L3MBTL1: variants seen among roughly 807,000 people sequenced by gnomAD.
L3MBTL1 encodes lethal(3)malignant brain tumor-like protein 1.
Under a neutral mutation model 105.3 loss-of-function variants are expected in L3MBTL1, and 75 were observed. The observed-to-expected ratio is 0.71, with a 90% CI of 0.59 to 0.86. The LOEUF is 0.86. L3MBTL1 is among the 40% of genes least tolerant of loss of function. L3MBTL1 has a pLI of 0.00. For missense variants in L3MBTL1, 1,069 were observed against 1,126.4 expected (o/e 0.95, Z 0.73); for synonymous variants, 452 against 436.2 (o/e 1.04, Z -0.45).
At chr20:43,535,797 C>T (rs1268793687) in intron 16 of L3MBTL1, 40 bp from the exon 17 acceptor site, 7 of 1,377,866 alleles carry the variant, frequency 5.1e-6, no homozygotes, top group Non-Finnish European at 7.0e-6. Context: ...CTCCCCACCC[C>T]CAGGACTCCA....
intron 7 of L3MBTL1, among the ~76,000 whole-genome samples, chr20:43,525,377 T>C (rs756072617): frequency 6.7e-6 from 1 of 150,204 alleles, no homozygotes; most frequent in Non-Finnish European, 1.5e-5. Context: ...CTAGCCAATA[T>C]GGTACCTTTG....
At chr20:43,540,054 C>G (rs1353238228) in intron 19 of L3MBTL1, 97 bp from the exon 20 acceptor site, 1 of 1,461,100 alleles carries the variant, frequency 6.8e-7, no homozygotes, top group Non-Finnish European at 9.4e-7. Context: ...CCTGTCTACT[C>G]TGCCAGCCAG....
In L3MBTL1 at chr20:43,530,871, G is replaced by A. The variant is rs1338652168; in HGVS notation, c.1266G>A (p.Leu422=). The part of the protein sequence containing the change: ...STRAQAAPKH[L]FVSQSHSPPP... ...GAGCTCAGGCTGCCCCCAAGCACCT[G>A]TTTGTGAGCCAGAGCCACGTGAGTG... Residue 422 remains leucine (L), a synonymous_variant, in exon 11 of 22, where the codon CTG becomes CTA. Transcript: ENST00000418998. The A allele has an allele frequency of 2.5e-6, 4 of 1,613,834 alleles. No homozygotes were observed. The highest frequency in any genetic ancestry group is 3.4e-6 in the Non-Finnish European group (4 of 1,179,910).
At chr20:43,542,031 T>G (rs1487292393), downstream of L3MBTL1, 1 of 280,450 alleles carries the variant, frequency 3.6e-6, no homozygotes, top group East Asian at 1.7e-4. Context: ...GCCAACATGG[T>G]GAAACCCTGT....
chr20:43,528,173 G>A (rs1195588192), intron 7 of L3MBTL1, among the ~76,000 whole-genome samples: 3 of 152,142 alleles, frequency 2.0e-5, no homozygotes, highest in South Asian at 2.1e-4. Flanking sequence ...GATTACAGGC[G>A]TGAGCTACCA....
In L3MBTL1 at chr20:43,513,818, A is replaced by G. The variant is rs764885517; in HGVS notation, c.137-20A>G. On this transcript the variant is annotated intron_variant, in intron 2 of 21. Coordinates refer to ENST00000418998, the MANE Select transcript of L3MBTL1 (RefSeq NM_001377303.1). ...CACTAGACTCACCTGTGTCGTGTCT[A>G]TTTGTATATCTGTTTACAGCCAGTT... 3.4e-5 allele frequency: 52 copies of G among 1,549,624 alleles called. No individual in the cohort carries two copies. The East Asian group carries it at 9.5e-4, about 28-fold the overall frequency.
Position 43,536,174 on chromosome 20 carries a change from G to T in L3MBTL1, c.2003G>T (p.Cys668Phe). Reference protein sequence around the residue: ...KFTAHHCLSGCPLAERNQSRL... With the variant: ...KFTAHHCLSGFPLAERNQSRL... ...ACAGCTCACCATTGCCTCTCAGGCT[G>T]CCCACTGGCTGAGAGGAACCAGAGC... Residue 668 changes from cysteine (C) to phenylalanine (F), a missense_variant, in exon 18 of 22, where the codon TGC (cysteine) becomes TTC (phenylalanine). Coordinates refer to ENST00000418998, the MANE Select transcript of L3MBTL1 (RefSeq NM_001377303.1). 1 of 1,613,670 alleles carries T rather than the reference G, an allele frequency of 6.2e-7. No homozygotes were observed. Among genetic ancestry groups the T allele is most frequent in the Non-Finnish European group, 8.5e-7 (1 of 1,179,998 alleles).
intron 7 of L3MBTL1, among the ~76,000 whole-genome samples, chr20:43,522,873 C>T (rs1028336417): frequency 1.4e-5 from 2 of 146,546 alleles, no homozygotes; most frequent in Admixed American, 7.0e-5. Context: ...TAGGCCAAGG[C>T]AGGTGGATCA....
rs1356180893 is a variant in L3MBTL1, at chr20:43,515,366, G to T, written c.728G>T (p.Arg243Leu). The change falls in exon 6 of 22, where the codon CGC (arginine) becomes CTC (leucine). Residue 243 changes from arginine to leucine, a missense_variant. Coordinates refer to ENST00000418998, the MANE Select transcript of L3MBTL1 (RefSeq NM_001377303.1). ...ELLKPMKKRK[R>L]REYQSPSEEE... ...CTCAAACCCATGAAGAAGAGGAAGC[G>T]CAGGGAATACCAGAGCCCATCAGAG... 3.8e-6 allele frequency: 6 copies of T among 1,564,338 alleles called. No individual in the cohort carries two copies. The highest frequency in any genetic ancestry group is 1.7e-4 in the Middle Eastern group (1 of 6,006).
chr20:43,515,478 C>T, intron 6 of L3MBTL1, 63 bp downstream of exon 6: 1 of 1,516,672 alleles, frequency 6.6e-7, no homozygotes, highest in Non-Finnish European at 8.9e-7. Flanking sequence ...TTCCCACTGT[C>T]CCCTCCATCA....
rs752346077 is a variant in L3MBTL1 at position 43,536,124 on chromosome 20, C to T, written c.1953C>T (p.Gly651=). Residue 651 remains glycine (G), a synonymous_variant, in exon 18 of 22, where the codon GGC becomes GGT. Coordinates refer to ENST00000418998, the MANE Select transcript of L3MBTL1 (RefSeq NM_001377303.1). ...AGTGCCCCACTCCTGGTTGCGACGG[C>T]TCTGGCCATGTCACAGGCAAGTTCA... ...HRKCPTPGCD[G]SGHVTGKFTA... is the part of the protein sequence containing the mutation. 1.2e-6 allele frequency: 2 copies of T among 1,613,604 alleles called. No homozygotes were observed. The highest frequency in any genetic ancestry group is 1.7e-6 in the Non-Finnish European group (2 of 1,180,026).
Position 43,530,908 on chromosome 20 carries a change from G to A in L3MBTL1, c.1284+19G>A, listed in dbSNP as rs775174573. 9 of 1,595,002 alleles carry A rather than the reference G, an allele frequency of 5.6e-6. No individual in the cohort carries two copies. In the Admixed American group the frequency reaches 6.8e-5, roughly 12 times the overall value. On this transcript the variant is annotated intron_variant, in intron 11 of 21. Transcript: ENST00000418998. ...GAGCCACGTGAGTGCCCCTGAGTGAGAGTGGATGTCACTCCCATGTGCCAG... is the reference window on the plus strand; with the variant it reads ...GAGCCACGTGAGTGCCCCTGAGTGAAAGTGGATGTCACTCCCATGTGCCAG...
chr20:43,543,446 A>C (rs1389880690), downstream of L3MBTL1, among the ~76,000 whole-genome samples: 1 of 152,158 alleles, frequency 6.6e-6, no homozygotes, highest in Non-Finnish European at 1.5e-5. Context: ...TCTTCTTGTG[A>C]CAAGGGCTGT....
At position 43,514,994 on chromosome 20, in the gene L3MBTL1, A is replaced by G. The variant is rs185800529; in HGVS notation, c.503-15A>G. ...CGATGGGGAGGGAGGCCTGAGGCCC[A>G]TTTGGCCCCCGCAGAGGACCACCCC... On this transcript the variant is annotated splice_polypyrimidine_tract_variant and intron_variant, in intron 4 of 21. Transcript: ENST00000418998. 672 of 1,611,860 alleles carry G rather than the reference A, an allele frequency of 4.2e-4. 5 individuals carry two copies. In the African/African-American group the frequency reaches 8.4e-3, roughly 20 times the overall value.
At position 43,541,197 on chromosome 20, in the gene L3MBTL1, T is replaced by G; in HGVS notation, c.*69T>G. On this transcript the variant is annotated 3_prime_UTR_variant, in exon 22 of 22. Coordinates refer to ENST00000418998, the MANE Select transcript of L3MBTL1 (RefSeq NM_001377303.1). ...AGTGTATTTTGAATGACACAGATATTGTGATTTACTGCAAGGATCCTAACA... is the reference window on the plus strand; with the variant it reads ...AGTGTATTTTGAATGACACAGATATGGTGATTTACTGCAAGGATCCTAACA... 1.0e-5 allele frequency: 16 copies of G among 1,559,482 alleles called. No homozygotes were observed. The highest frequency in any genetic ancestry group is 1.4e-5 in the Non-Finnish European group (16 of 1,150,770).
chr20:43,514,974 G>T, intron 4 of L3MBTL1, 35 bp from the exon 5 acceptor site: 1 of 1,605,588 alleles, frequency 6.2e-7, no homozygotes, highest in East Asian at 2.2e-5. Flanking sequence ...GGCTGCGATG[G>T]GGAGGGAGGC....
chr20:43,516,774 T>G (rs1350649825), intron 7 of L3MBTL1, among the ~76,000 whole-genome samples: 4 of 152,140 alleles, frequency 2.6e-5, no homozygotes, highest in African/African-American at 9.7e-5. Context: ...GTTTTTTTTT[T>G]TCTTTTTTAA....
intron 18 of L3MBTL1, among the ~76,000 whole-genome samples, chr20:43,547,383 C>T (rs1039127607): frequency 8.5e-5 from 13 of 152,194 alleles, no homozygotes; most frequent in African/African-American, 1.7e-4. Flanking sequence ...GGATTACAGG[C>T]GTGAGCCACC....
chr20:43,514,596 G>T (rs762622136), intron 3 of L3MBTL1, 39 bp from the exon 4 acceptor site: 11 of 1,599,134 alleles, frequency 6.9e-6, no homozygotes, highest in Non-Finnish European at 8.5e-6. Context: ...TCAAGGACCC[G>T]TACGGGAGTC....
Sources: allele counts gnomAD v4.1 joint callset (sites outside exome capture counted in the v4.1 genomes callset), GRCh38; gene constraint gnomAD v4.1.1; transcripts MANE v1.5; gene names NCBI Gene and HGNC (gene_info 2026-07-23, HGNC 2026-07-21).